The following PTCH1 variants were observed in gnomAD, a reference collection of about 807,000 sequenced individuals.
PTCH1 encodes the protein protein patched homolog 1.
Under a neutral mutation model 144.6 loss-of-function variants are expected in PTCH1, and 14 were observed. That is an observed-to-expected ratio of 0.10 (90% CI 0.06 to 0.15). PTCH1 has a LOEUF of 0.15. Among genes scored for constraint, PTCH1 ranks in the 10% least tolerant of loss-of-function variants. PTCH1 has a pLI of 1.00. For synonymous variants in PTCH1, 833 were observed against 793.6 expected (o/e 1.05, Z -0.83); for missense variants, 1,623 against 1,948.3 (o/e 0.83, Z 3.14).
At chr9:95,480,664 CTGCATCCACCT>C in intron 5 of PTCH1, 76 bp from the exon 6 acceptor site, 1 of 1,433,648 alleles carries the variant, frequency 7.0e-7, no homozygotes, top group Admixed American at 1.7e-5. Context: ...GCTGCGCCCA[CTGCATCCACCT>C]TGTAGGAGGT....
At chr9:95,495,208 C>T (rs1241987471) in intron 2 of PTCH1, 1 of 152,190 alleles carries the variant, frequency 6.6e-6, no homozygotes, top group East Asian at 1.9e-4. Context: ...GAGGAAGTTT[C>T]ATCACCGGGT....
chr9:95,446,262 CAATG>C lies in PTCH1; in HGVS notation c.*127_*130del. On this transcript the variant is annotated 3_prime_UTR_variant, in exon 24 of 24. Transcript: ENST00000331920. ...AAAATAATACAATCGGTTACAGTAA[CAATG>C]AACTGCTGTCCTGGCACAGGGCATC... 1 of 451,506 alleles carries C rather than the reference CAATG, an allele frequency of 2.2e-6. No individual in the cohort carries two copies. The highest frequency in any genetic ancestry group is 4.4e-6 in the Non-Finnish European group (1 of 227,606). The allele number at this position is 451,506 out of a possible 1,614,324, so 28.0% of individuals were successfully genotyped here.
chr9:95,511,069 C>T (rs966924390), upstream of PTCH1, among the ~76,000 whole-genome samples: 9 of 150,042 alleles, frequency 6.0e-5, 1 homozygote, highest in South Asian at 1.2e-3. Context: ...GCCCGCGCCG[C>T]CTCCCCGCGA....
intron 17 of PTCH1, 119 bp downstream of exon 17, chr9:95,459,481 G>T (rs56027475): frequency 2.4e-6 from 3 of 1,244,772 alleles, no homozygotes; most frequent in East Asian, 4.7e-5. Flanking sequence ...GAAATAGATT[G>T]TTCTGTTTAC....
upstream of PTCH1, among the ~76,000 whole-genome samples, chr9:95,510,494 A>G (rs1448310856): frequency 6.6e-6 from 1 of 152,226 alleles, no homozygotes; most frequent in African/African-American, 2.4e-5. Flanking sequence ...CTACACAACT[A>G]GGCTTTTTAT....
At chr9:95,490,557 A>ACACACACAC (rs1564069050) in intron 2 of PTCH1, among the ~76,000 whole-genome samples, 2 of 147,602 alleles carry the variant, frequency 1.4e-5, no homozygotes, top group African/African-American at 2.5e-5. Context: ...ACACACACAC[A>ACACACACAC]AAAGAAAGAT....
upstream of PTCH1, among the ~76,000 whole-genome samples, chr9:95,512,169 C>T (rs1844189767): frequency 6.6e-6 from 1 of 152,228 alleles, no homozygotes; most frequent in African/African-American, 2.4e-5. Context: ...GCCTCTTCCA[C>T]TCAGGCCCAT....
At chr9:95,506,930 T>C (rs1843710655) in intron 1 of PTCH1, 2 of 1,058,012 alleles carry the variant, frequency 1.9e-6, no homozygotes, top group Non-Finnish European at 2.3e-6. Context: ...ACACAGACAA[T>C]ATTCACCCCA....
At chr9:95,479,822 T>A in intron 7 of PTCH1, 147 bp downstream of exon 7, 1 of 1,322,528 alleles carries the variant, frequency 7.6e-7, no homozygotes, top group East Asian at 2.3e-5. Context: ...CTGCTACTAT[T>A]TCTTAATATT....
chr9:95,483,433 G>C (rs952377521), intron 3 of PTCH1: 3 of 140,450 alleles, frequency 2.1e-5, no homozygotes, highest in African/African-American at 7.8e-5. Flanking sequence ...AAAAAAGAAA[G>C]AAACACAGTA....
chr9:95,485,717 C>T lies in PTCH1; in HGVS notation c.552G>A (p.Gln184=), dbSNP rs369893129. Residue 184 remains glutamine, a synonymous_variant, in exon 3 of 24, where the codon CAG becomes CAA. Transcript: ENST00000331920. Reference sequence around the variant, plus strand: ...ACATGTATACATGGACACGGCTGGCCTGGAGTGCCGAGTCCAGGTGTTGTA... The same window carrying T: ...ACATGTATACATGGACACGGCTGGCTTGGAGTGCCGAGTCCAGGTGTTGTA... The part of the protein sequence containing the change: ...ALLQHLDSAL[Q]ASRVHVYMYN... 1 of 1,614,152 alleles carries T rather than the reference C, an allele frequency of 6.2e-7. No individual in the cohort carries two copies. Among genetic ancestry groups the T allele is most frequent in the Non-Finnish European group, 8.5e-7 (1 of 1,180,014 alleles).
At chr9:95,486,011 C>G (rs963888244) in intron 2 of PTCH1, 137 bp from the exon 3 acceptor site, 1 of 940,968 alleles carries the variant, frequency 1.1e-6, no homozygotes, top group African/African-American at 1.6e-5. Flanking sequence ...TGAGCAGTAA[C>G]ATTCACTTTA....
In PTCH1 at chr9:95,449,051, T is replaced by C. The variant is rs1838202750; in HGVS notation, c.3804+18A>G. On this transcript the variant is annotated intron_variant, in intron 22 of 23. Transcript: ENST00000331920. The surrounding 1 kb of genome is among the most constrained non-coding windows in gnomAD (Gnocchi z 5.3). ...ACGGTGGGAAGACCCCTCCCCCTGG[T>C]TCTGCAGAGTCACTTACAGTGGAGT... The C allele has an allele frequency of 1.9e-6, 3 of 1,613,712 alleles. No homozygotes were observed. The highest frequency in any genetic ancestry group is 2.7e-5 in the African/African-American group (2 of 74,934).
intron 3 of PTCH1, chr9:95,482,561 C>A: frequency 3.0e-6 from 1 of 338,568 alleles, no homozygotes; most frequent in Non-Finnish European, 5.6e-6. Context: ...TCAAAATAGG[C>A]GGGGATTAAA....
chr9:95,461,825 A>T (rs374084195), intron 16 of PTCH1, 31 bp downstream of exon 16: 6 of 1,613,442 alleles, frequency 3.7e-6, no homozygotes, highest in Non-Finnish European at 4.2e-6. Context: ...GCAGCCCTGG[A>T]AGCGCCCTCA....
chr9:95,455,209 G>A (rs1270225410), intron 19 of PTCH1, among the ~76,000 whole-genome samples: 1 of 152,170 alleles, frequency 6.6e-6, no homozygotes, highest in Non-Finnish European at 1.5e-5. Context: ...CTTCAACAAA[G>A]CATTCCTTCC....
upstream of PTCH1, among the ~76,000 whole-genome samples, chr9:95,512,969 C>G (rs1249571289): frequency 2.6e-5 from 4 of 152,192 alleles, no homozygotes; most frequent in Admixed American, 2.0e-4. Flanking sequence ...CAGTCATGAT[C>G]CAAGACTTCT....
At chr9:95,499,486 G>C (rs150236111) in intron 2 of PTCH1, among the ~76,000 whole-genome samples, 78 of 142,170 alleles carry the variant, frequency 5.5e-4, no homozygotes, top group African/African-American at 1.9e-3. Context: ...GGGTGGGCGG[G>C]AGAAGGGGCA....
upstream of PTCH1, among the ~76,000 whole-genome samples, chr9:95,511,110 C>T (rs1055184145): frequency 2.0e-5 from 3 of 149,680 alleles, no homozygotes; most frequent in Non-Finnish European, 4.5e-5. Flanking sequence ...CGAGTCCCTG[C>T]CCATTCAGCG....
Sources: gnomAD v4.1 joint callset for allele counts (sites outside exome capture counted in the v4.1 genomes callset) on GRCh38, gnomAD v4.1.1 for gene constraint, Gnocchi (gnomAD v3.1) non-coding constraint, MANE v1.5 for transcripts, NCBI Gene and HGNC (gene_info 2026-07-23, HGNC 2026-07-21) for gene names.